Variants in PRKN observed in about 807,000 individuals in gnomAD.
PRKN encodes E3 ubiquitin-protein ligase parkin.
Under a neutral mutation model 59.5 loss-of-function variants are expected in PRKN, and 56 were observed. That is an observed-to-expected ratio of 0.94 (90% confidence interval 0.76 to 1.18). The LOEUF (loss-of-function observed/expected upper bound fraction) is 1.18, where lower values mean the gene tolerates loss of function less well. Ranked by LOEUF, PRKN falls within the 50% of genes most tolerant of loss-of-function variation. The pLI, the probability that PRKN is intolerant of heterozygous loss-of-function variation, is 0.00. For missense variants in PRKN, 657 were observed against 596.4 expected (o/e 1.10, Z -1.06); for synonymous variants, 250 against 222.1 (o/e 1.13, Z -1.12).
chr6:161,563,949 G>T (rs1780544198), intron 8 of PRKN, among the ~76,000 whole-genome samples: 1 of 152,132 alleles, frequency 6.6e-6, no homozygotes, highest in East Asian at 1.9e-4. Flanking sequence ...CAACTTACTT[G>T]GCAACCTATT....
intron 1 of PRKN, among the ~76,000 whole-genome samples, chr6:162,646,609 T>C (rs149632630): frequency 1.3e-5 from 2 of 152,272 alleles, no homozygotes; most frequent in East Asian, 1.9e-4. Context: ...AAATAGAAAG[T>C]ACACTTGTGT....
Position 162,154,552 on chromosome 6 carries a change from G to A in PRKN, c.534+46579C>T, listed in dbSNP as rs116864210. On this transcript the variant is annotated intron_variant, in intron 4 of 11. Coordinates refer to ENST00000366898, the MANE Select transcript of PRKN (RefSeq NM_004562.3). Reference sequence around the variant, plus strand: ...AAAAAAAAAAAAGGAAAAGAAATGAGATGAAGTGTGTTTAAATGGCACTTG... The same window carrying A: ...AAAAAAAAAAAAGGAAAAGAAATGAAATGAAGTGTGTTTAAATGGCACTTG... Among the ~76,000 whole-genome samples, 436 of 151,274 alleles carry A rather than the reference G, an allele frequency of 2.9e-3. 1 individual carries two copies. The highest frequency in any genetic ancestry group is 5.0e-3 in the Non-Finnish European group (337 of 67,862).
chr6:162,058,957 G>GAAAAAAAA (rs553927046), intron 4 of PRKN, among the ~76,000 whole-genome samples: 1 of 87,292 alleles, frequency 1.1e-5, no homozygotes, highest in Admixed American at 1.3e-4. Flanking sequence ...GCCTCAACAA[G>GAAAAAAAA]AAAAAAAAAA....
At chr6:162,570,725 A>G (rs1394511712) in intron 1 of PRKN, among the ~76,000 whole-genome samples, 1 of 152,190 alleles carries the variant, frequency 6.6e-6, no homozygotes, top group African/African-American at 2.4e-5. Context: ...GACAAACATC[A>G]CATGTTCTCA....
At chr6:161,897,622 T>A (rs1408930845) in intron 6 of PRKN, among the ~76,000 whole-genome samples, 1 of 152,172 alleles carries the variant, frequency 6.6e-6, no homozygotes, top group African/African-American at 2.4e-5. Flanking sequence ...CTATAGTACA[T>A]TTTGGCTTAG....
In PRKN at chr6:161,533,951, G is replaced by A. The variant is rs113231003; in HGVS notation, c.1083+14903C>T. Among the ~76,000 whole-genome samples the A allele has an allele frequency of 3.0e-4, 45 of 152,156 alleles. No homozygotes were observed. Among genetic ancestry groups the A allele is most frequent in the African/African-American group, 1.1e-3 (45 of 41,496 alleles). ...GCTGTATATTCACACGACACTCGCC[G>A]TCACAGTGGTCTCTGTGACTTCAGT... On this transcript the variant is annotated intron_variant, in intron 9 of 11. Transcript: ENST00000366898. This position sits in a 1 kb window ranked among gnomAD's most constrained non-coding sequence, Gnocchi z 4.1.
intron 5 of PRKN, among the ~76,000 whole-genome samples, chr6:162,048,480 G>C (rs12211530): frequency 0.41 from 62,528 of 151,692 alleles, 13,645 homozygotes; most frequent in Admixed American, 0.5. Flanking sequence ...TCAGTGTTAC[G>C]AGTTAGGATT....
chr6:161,724,990 C>A (rs1425042814), intron 7 of PRKN, among the ~76,000 whole-genome samples: 5 of 152,152 alleles, frequency 3.3e-5, no homozygotes, highest in Non-Finnish European at 7.4e-5. Flanking sequence ...CTCCCCTTCG[C>A]CCCACTGTCT....
At chr6:162,139,491 G>A (rs917822464) in intron 4 of PRKN, among the ~76,000 whole-genome samples, 3 of 152,136 alleles carry the variant, frequency 2.0e-5, no homozygotes, top group African/African-American at 7.2e-5. Context: ...GAGGACGTCG[G>A]GTGTGGGAAG....
chr6:161,615,854 C>T (rs1348158438), intron 7 of PRKN, among the ~76,000 whole-genome samples: 5 of 152,236 alleles, frequency 3.3e-5, no homozygotes, highest in African/African-American at 1.2e-4. Context: ...CTTCACACAA[C>T]ATCATGAATC....
At chr6:162,679,111 TGAA>T (rs1779672638) in intron 1 of PRKN, among the ~76,000 whole-genome samples, 2 of 149,524 alleles carry the variant, frequency 1.3e-5, no homozygotes, top group African/African-American at 5.0e-5. Context: ...TATTTATTTA[TGAA>T]TGAATGAGAC....
intron 7 of PRKN, among the ~76,000 whole-genome samples, chr6:161,689,727 G>C (rs1785705763): frequency 6.6e-6 from 1 of 150,402 alleles, no homozygotes; most frequent in African/African-American, 2.4e-5. Context: ...TTTTTTTTTT[G>C]AGACAAGAGT....
intron 2 of PRKN, among the ~76,000 whole-genome samples, chr6:162,415,206 AGCC>A (rs779625146): frequency 1.7e-3 from 257 of 152,258 alleles, no homozygotes; most frequent in South Asian, 3.1e-3. Flanking sequence ...ACGCAAAAAT[AGCC>A]AACTGGGGAA....
intron 2 of PRKN, among the ~76,000 whole-genome samples, chr6:162,418,812 G>A (rs897468184): frequency 6.6e-6 from 1 of 151,774 alleles, no homozygotes; most frequent in Non-Finnish European, 1.5e-5. Context: ...GCTGCAGGGA[G>A]GGCTCCTGTC....
At chr6:161,619,450 T>C (rs975981018) in intron 7 of PRKN, among the ~76,000 whole-genome samples, 1 of 152,048 alleles carries the variant, frequency 6.6e-6, no homozygotes. Context: ...ACTATAAACT[T>C]TTCATATGAT....
At chr6:162,231,151 C>T (rs938942921) in intron 3 of PRKN, among the ~76,000 whole-genome samples, 2 of 152,166 alleles carry the variant, frequency 1.3e-5, no homozygotes, top group Non-Finnish European at 2.9e-5. Flanking sequence ...CCTTCTCTCT[C>T]TCCTCTAAAC....
rs568486687 is a variant in PRKN, at chr6:162,327,517, T to C, written c.172-64752A>G. On this transcript the variant is annotated intron_variant, in intron 2 of 11. Coordinates refer to ENST00000366898, the MANE Select transcript of PRKN (RefSeq NM_004562.3). Reference sequence around the variant, plus strand: ...TTAGGTTTTGAAAATGTGAGGTCCTTGACGACGGTTTTCTCTACAGTTTCA... The same window carrying C: ...TTAGGTTTTGAAAATGTGAGGTCCTCGACGACGGTTTTCTCTACAGTTTCA... 2.6e-5 allele frequency among the ~76,000 whole-genome samples: 4 copies of C among 151,972 alleles called. No homozygotes were observed. In the South Asian group the frequency reaches 6.2e-4, roughly 24 times the overall value.
rs34279714 is a variant in PRKN at position 161,352,771 on chromosome 6, A to ATATATATTTTT, written c.1286-2561_1286-2560insAAAAATATATA. ...TGTGTGTGTGTATATATATATATAT[A>ATATATATTTTT]TTTTATTTTATTTTATTTTATTTTT... On this transcript the variant is annotated intron_variant, in intron 11 of 11. Transcript: ENST00000366898. The surrounding 1 kb of genome is among the most constrained non-coding windows in gnomAD (Gnocchi z 5.8). 1.5e-4 allele frequency among the ~76,000 whole-genome samples: 18 copies of ATATATATTTTT among 116,892 alleles called. No individual in the cohort carries two copies. The highest frequency in any genetic ancestry group is 7.5e-4 in the South Asian group (3 of 3,984). 76.7% of individuals were successfully genotyped at this position (116,892 alleles called of 152,430 possible). A position where few individuals can be genotyped will look rare whatever the true frequency, so the allele number is the denominator to read the frequency against.
intron 4 of PRKN, among the ~76,000 whole-genome samples, chr6:162,101,884 C>T (rs141939607): frequency 1.3e-5 from 2 of 152,102 alleles, no homozygotes; most frequent in Admixed American, 6.6e-5. Flanking sequence ...CTGTGTATTT[C>T]CTAAAAACAA....
Sources: gnomAD v4.1 joint callset for allele counts (sites outside exome capture counted in the v4.1 genomes callset) on GRCh38, gnomAD v4.1.1 for gene constraint, Gnocchi (gnomAD v3.1) non-coding constraint, MANE v1.5 for transcripts, NCBI Gene and HGNC (gene_info 2026-07-23, HGNC 2026-07-21) for gene names.